The following NMNAT2 variants were observed in gnomAD, a reference collection of about 807,000 sequenced individuals.
The protein encoded by NMNAT2 is nicotinamide/nicotinic acid mononucleotide adenylyltransferase 2.
NMNAT2 carries 11 observed loss-of-function variants against 41.6 expected under a neutral mutation model. The observed-to-expected ratio is 0.26, with a 90% CI of 0.17 to 0.44. The LOEUF (loss-of-function observed/expected upper bound fraction) is 0.44. Among genes scored for constraint, NMNAT2 ranks in the 20% least tolerant of loss-of-function variants. The pLI is 1.00. For synonymous variants in NMNAT2, 148 were observed against 151.2 expected (o/e 0.98, Z 0.16); for missense variants, 288 against 407.7 (o/e 0.71, Z 2.53).
At chr1:183,343,520 C>G (rs544162443) in intron 1 of NMNAT2, among the ~76,000 whole-genome samples, 4 of 152,152 alleles carry the variant, frequency 2.6e-5, no homozygotes, top group Admixed American at 6.5e-5. Flanking sequence ...AAGTCTGTCT[C>G]ACTAGAATGC....
At chr1:183,270,905 A>T (rs1660970757) in intron 8 of NMNAT2, among the ~76,000 whole-genome samples, 1 of 151,974 alleles carries the variant, frequency 6.6e-6, no homozygotes, top group South Asian at 2.1e-4. Flanking sequence ...GGGCCCTGGG[A>T]TTTCTTCTGG....
intron 10 of NMNAT2, among the ~76,000 whole-genome samples, chr1:183,260,539 C>G (rs956967278): frequency 6.6e-6 from 1 of 152,124 alleles, no homozygotes; most frequent in Non-Finnish European, 1.5e-5. Context: ...TGGCTGGGGC[C>G]GGGCACAGTG....
At chr1:183,388,276 G>A (rs941872668) in intron 1 of NMNAT2, among the ~76,000 whole-genome samples, 7 of 151,744 alleles carry the variant, frequency 4.6e-5, no homozygotes, top group South Asian at 4.2e-4. Flanking sequence ...ATATGGAGGC[G>A]CACACATTTA....
chr1:183,285,814 T>TA (rs1661384643), intron 5 of NMNAT2, among the ~76,000 whole-genome samples: 2 of 152,196 alleles, frequency 1.3e-5, no homozygotes, highest in South Asian at 4.1e-4. Context: ...ATTACTGCAT[T>TA]AAATAAGAAC....
chr1:183,361,254 C>A (rs960054511), intron 1 of NMNAT2, among the ~76,000 whole-genome samples: 2 of 152,126 alleles, frequency 1.3e-5, no homozygotes, highest in African/African-American at 4.8e-5. Flanking sequence ...ATCAGGGGAC[C>A]CTTATCCTCC....
At chr1:183,280,670 G>A (rs1305964870) in intron 7 of NMNAT2, among the ~76,000 whole-genome samples, 2 of 151,708 alleles carry the variant, frequency 1.3e-5, no homozygotes, top group Non-Finnish European at 2.9e-5. Flanking sequence ...TTACAGGCAT[G>A]AGCCACTACA....
chr1:183,391,479 T>C (rs1198129609), intron 1 of NMNAT2, among the ~76,000 whole-genome samples: 1 of 152,182 alleles, frequency 6.6e-6, no homozygotes, highest in African/African-American at 2.4e-5. Context: ...TTCTTCCATA[T>C]CTTTTGGATG....
chr1:183,410,046 C>G (rs755597051), intron 1 of NMNAT2, among the ~76,000 whole-genome samples: 5 of 152,058 alleles, frequency 3.3e-5, no homozygotes, highest in Non-Finnish European at 7.4e-5. Flanking sequence ...TGGTGGCACA[C>G]CCCTGCAATC....
Position 183,275,612 on chromosome 1 carries a change from G to A in NMNAT2, c.651+2941C>T, listed in dbSNP as rs550734983. On this transcript the variant is annotated intron_variant, in intron 8 of 10. Transcript: ENST00000287713. ...TGAGCATAGCTAGGATGGGTGTCCT[G>A]GGACTCCAGGATGGCTAACCCAGGA... 1.1e-3 allele frequency among the ~76,000 whole-genome samples: 172 copies of A among 151,732 alleles called. 4 individuals are homozygous for A. In the South Asian group the frequency reaches 0.034, roughly 30 times the overall value.
intron 1 of NMNAT2, among the ~76,000 whole-genome samples, chr1:183,403,570 T>G (rs1377801968): frequency 6.6e-6 from 1 of 151,546 alleles, no homozygotes; most frequent in Non-Finnish European, 1.5e-5. Flanking sequence ...CGACCACATA[T>G]GAAACCACAA....
At chr1:183,324,738 G>A (rs997104371) in intron 1 of NMNAT2, among the ~76,000 whole-genome samples, 1 of 152,082 alleles carries the variant, frequency 6.6e-6, no homozygotes. Context: ...TCCCTGTGCC[G>A]CCCTTTATCT....
At chr1:183,334,722 C>G (rs1662649406) in intron 1 of NMNAT2, among the ~76,000 whole-genome samples, 1 of 152,004 alleles carries the variant, frequency 6.6e-6, no homozygotes, top group Non-Finnish European at 1.5e-5. Context: ...GTTGGCCAGG[C>G]TGGTCTCGAA....
At chr1:183,387,779 G>A (rs1283050068) in intron 1 of NMNAT2, among the ~76,000 whole-genome samples, 1 of 152,142 alleles carries the variant, frequency 6.6e-6, no homozygotes, top group African/African-American at 2.4e-5. Flanking sequence ...CTTCATTGGT[G>A]TTTTCATATG....
At chr1:183,304,539 A>C (rs990146315) in intron 1 of NMNAT2, 1 of 756,882 alleles carries the variant, frequency 1.3e-6, no homozygotes, top group Non-Finnish European at 2.2e-6. Flanking sequence ...GTCCCTAAAC[A>C]GGCATGCACA....
chr1:183,312,512 CTGTATAT>C (rs1459030596), intron 1 of NMNAT2, among the ~76,000 whole-genome samples: 1 of 151,364 alleles, frequency 6.6e-6, no homozygotes, highest in Admixed American at 6.6e-5. Context: ...GTTTTGCTCT[CTGTATAT>C]TTATTTTATT....
chr1:183,288,938 G>T (rs1270384575), intron 4 of NMNAT2, among the ~76,000 whole-genome samples: 1 of 152,208 alleles, frequency 6.6e-6, no homozygotes, highest in Non-Finnish European at 1.5e-5. Context: ...GAAAGCTGAA[G>T]GGAAGGGAAA....
intron 2 of NMNAT2, among the ~76,000 whole-genome samples, chr1:183,293,437 G>T (rs1364930648): frequency 6.6e-6 from 1 of 152,386 alleles, no homozygotes; most frequent in Non-Finnish European, 1.5e-5. Context: ...GGGTGTTTCT[G>T]CTCCTCTTTC....
At position 183,251,495 on chromosome 1, in the gene NMNAT2, G is replaced by GTGTTTTTTTGTTTTGTTT. The variant is rs1660377318; in HGVS notation, c.*1128_*1145dup. The GTGTTTTTTTGTTTTGTTT allele has an allele frequency of 6.6e-6, 1 of 152,338 alleles. No individual in the cohort carries two copies. Among genetic ancestry groups the GTGTTTTTTTGTTTTGTTT allele is most frequent in the African/African-American group, 2.4e-5 (1 of 41,436 alleles). The allele number at this position is 152,338 out of a possible 1,614,324, so 9.4% of individuals were successfully genotyped here. Reference sequence around the variant, plus strand: ...ACCTCCAGGGTTGAGTGGACTCCTAGTGTTTTTTTGTTTTGTTTTGTTTTT... The same window carrying GTGTTTTTTTGTTTTGTTT: ...ACCTCCAGGGTTGAGTGGACTCCTAGTGTTTTTTTGTTTTGTTTTGTTTTTTTGTTTTGTTTTGTTTTT... On this transcript the variant is annotated 3_prime_UTR_variant, in exon 11 of 11. Transcript: ENST00000287713.
intron 1 of NMNAT2, among the ~76,000 whole-genome samples, chr1:183,371,370 T>A (rs1571624352): frequency 6.6e-6 from 1 of 152,190 alleles, no homozygotes; most frequent in South Asian, 2.1e-4. Flanking sequence ...ACGCAACTAC[T>A]CTATGTGATA....
Sources: allele counts gnomAD v4.1 joint callset (sites outside exome capture counted in the v4.1 genomes callset), GRCh38; gene constraint gnomAD v4.1.1; transcripts MANE v1.5; gene names NCBI Gene and HGNC (gene_info 2026-07-23, HGNC 2026-07-21).